Variants in PTPN12 observed in about 807,000 individuals in gnomAD.
The protein encoded by PTPN12 is tyrosine-protein phosphatase non-receptor type 12.
In PTPN12, 29 loss-of-function variants were observed where a neutral mutation model predicts 97.6. That is an observed-to-expected ratio of 0.30 (90% CI 0.22 to 0.41). The LOEUF (loss-of-function observed/expected upper bound fraction) is 0.41, where lower values mean the gene tolerates loss of function less well. PTPN12 is among the 10% of genes least tolerant of loss of function. The probability of loss-of-function intolerance (pLI) is 1.00; values close to 1 mark genes in which losing one functional copy is unlikely to be tolerated. For synonymous variants in PTPN12, 327 were observed against 300.4 expected (o/e 1.09, Z -0.91); for missense variants, 819 against 926.0 (o/e 0.88, Z 1.50).
chr7:77,569,883 C>A (rs1453161757), intron 1 of PTPN12, among the ~76,000 whole-genome samples: 1 of 152,170 alleles, frequency 6.6e-6, no homozygotes, highest in East Asian at 1.9e-4. Context: ...GAGACAGGGT[C>A]TTGCATTGTT....
chr7:77,605,945 CTTTTTT>C (rs10648385), intron 8 of PTPN12, among the ~76,000 whole-genome samples: 1 of 51,896 alleles, frequency 1.9e-5, no homozygotes, highest in African/African-American at 7.9e-5. Context: ...CAAGAGCCAT[CTTTTTT>C]TTTTTTTTTT....
chr7:77,575,655 GA>G (rs1163862429), intron 2 of PTPN12, among the ~76,000 whole-genome samples: 4 of 152,084 alleles, frequency 2.6e-5, no homozygotes, highest in African/African-American at 7.2e-5. Context: ...GCAATTCAAT[GA>G]TTTTTTTAAA....
rs772633580 is a variant in PTPN12, at chr7:77,639,311, A to G, written c.*31A>G. On this transcript the variant is annotated 3_prime_UTR_variant, in exon 18 of 18. Coordinates refer to ENST00000248594, the MANE Select transcript of PTPN12 (RefSeq NM_002835.4). The stretch of plus-strand genomic sequence containing the variant: ...GGAGCTAGAAGACACTTTAAGTTAT[A>G]CTGGAAAATTCAGGTGCCACTGAAA... 1.3e-6 allele frequency: 2 copies of G among 1,578,368 alleles called. No homozygotes were observed. Among genetic ancestry groups the G allele is most frequent in the Non-Finnish European group, 1.7e-6 (2 of 1,151,518 alleles).
At position 77,600,657 on chromosome 7, in the gene PTPN12, C is replaced by T; in HGVS notation, c.553-7C>T. ...TCATAATTGTTGACTTTCTGTTTTT[C>T]TTGAAGGAATCTCGTAGGCTGTATC... is the stretch of plus-strand genomic sequence containing the variant. On this transcript the variant is annotated splice_region_variant and splice_polypyrimidine_tract_variant and intron_variant, in intron 7 of 17. Coordinates refer to ENST00000248594, the MANE Select transcript of PTPN12 (RefSeq NM_002835.4). The T allele has an allele frequency of 6.4e-7, 1 of 1,572,232 alleles. No homozygotes were observed. Among genetic ancestry groups the T allele is most frequent in the Non-Finnish European group, 8.6e-7 (1 of 1,163,492 alleles).
At chr7:77,618,240 G>A (rs1788817897) in intron 11 of PTPN12, among the ~76,000 whole-genome samples, 1 of 152,078 alleles carries the variant, frequency 6.6e-6, no homozygotes, top group Admixed American at 6.6e-5. Flanking sequence ...GTGTTGAAAT[G>A]CTGCTGTACA....
At chr7:77,554,766 A>T (rs1807628239) in intron 1 of PTPN12, among the ~76,000 whole-genome samples, 1 of 152,138 alleles carries the variant, frequency 6.6e-6, no homozygotes, top group South Asian at 2.1e-4. Flanking sequence ...TGCAGCCTTG[A>T]CCTGCTGGGC....
chr7:77,616,107 T>C (rs181487242), intron 11 of PTPN12, among the ~76,000 whole-genome samples: 1 of 152,328 alleles, frequency 6.6e-6, no homozygotes, highest in Admixed American at 6.5e-5. Context: ...TTCTCACATG[T>C]AGTGTTTGCC....
Position 77,605,945 on chromosome 7 carries a change from C to CTTTTTT in PTPN12, c.696-1269_696-1264dup, listed in dbSNP as rs10648385. ...TCCTGTACTCTAAAACAAGAGCCAT[C>CTTTTTT]TTTTTTTTTTTTTTTTTTTTTTTTT... On this transcript the variant is annotated intron_variant, in intron 8 of 17. Transcript: ENST00000248594. 3.3e-4 allele frequency among the ~76,000 whole-genome samples: 17 copies of CTTTTTT among 51,920 alleles called. 1 individual carries two copies. Among genetic ancestry groups the CTTTTTT allele is most frequent in the African/African-American group, 5.6e-4 (7 of 12,612 alleles). 34.1% of individuals were successfully genotyped at this position (51,920 alleles called of 152,430 possible). A position where few individuals can be genotyped will look rare whatever the true frequency, so the allele number is the denominator to read the frequency against.
rs762715820 is a variant in PTPN12, at chr7:77,626,704, G to T, written c.1026-1G>T. 1 of 1,583,890 alleles carries T rather than the reference G, an allele frequency of 6.3e-7. No individual in the cohort carries two copies. Among genetic ancestry groups the T allele is most frequent in the Non-Finnish European group, 8.6e-7 (1 of 1,166,272 alleles). On this transcript the variant is annotated splice_acceptor_variant, in intron 12 of 17. Transcript: ENST00000248594. LOFTEE classifies it high-confidence loss of function. Reference sequence around the variant, plus strand: ...GCCCTTTTTAAATGTTTGTTTTTCAGTTGCCTTGTTGAAGGGGATGCTAAA... The same window carrying T: ...GCCCTTTTTAAATGTTTGTTTTTCATTTGCCTTGTTGAAGGGGATGCTAAA...
At chr7:77,605,630 T>C (rs1281695259) in intron 8 of PTPN12, among the ~76,000 whole-genome samples, 3 of 151,842 alleles carry the variant, frequency 2.0e-5, no homozygotes, top group East Asian at 1.9e-4. Flanking sequence ...TTTCACCACG[T>C]TGGCCAGGCT....
At chr7:77,556,567 C>T (rs1341847948) in intron 1 of PTPN12, among the ~76,000 whole-genome samples, 1 of 152,004 alleles carries the variant, frequency 6.6e-6, no homozygotes, top group Non-Finnish European at 1.5e-5. Context: ...ATGGAATATT[C>T]GGCCAGGCAC....
At chr7:77,628,030 A>G (rs1358377266) in intron 13 of PTPN12, among the ~76,000 whole-genome samples, 1 of 152,232 alleles carries the variant, frequency 6.6e-6, no homozygotes, top group Non-Finnish European at 1.5e-5. Flanking sequence ...AACAGTGGCA[A>G]AAATACTGTA....
At position 77,537,412 on chromosome 7, in the gene PTPN12, G is replaced by A. The variant is rs1272985794; in HGVS notation, c.-135G>A. On this transcript the variant is annotated 5_prime_UTR_variant, in exon 1 of 18. Transcript: ENST00000248594. ...CCGCCTAGGGCGGTGGGGAGGAGGA[G>A]GGAGCCGCGGGGCTTGGCGGGGTCG... is the stretch of plus-strand genomic sequence containing the variant. The A allele has an allele frequency of 1.5e-6, 2 of 1,306,950 alleles. No individual in the cohort carries two copies. The highest frequency in any genetic ancestry group is 3.2e-5 in the African/African-American group (2 of 62,778). The allele number at this position is 1,306,950 out of a possible 1,614,324, so 81.0% of individuals were successfully genotyped here.
chr7:77,604,209 C>CTTTTTTTTTTTTTTTTTTTT (rs71082768), intron 8 of PTPN12, among the ~76,000 whole-genome samples: 4 of 52,790 alleles, frequency 7.6e-5, no homozygotes, highest in Non-Finnish European at 9.3e-5. Context: ...TTTTTTCTTC[C>CTTTTTTTTTTTTTTTTTTTT]TTTTTTTTTT....
intron 9 of PTPN12, among the ~76,000 whole-genome samples, chr7:77,608,752 A>AT (rs1250383399): frequency 6.6e-6 from 1 of 152,114 alleles, no homozygotes; most frequent in East Asian, 1.9e-4. Context: ...GGGGTTAAAT[A>AT]TTTTTTTCCT....
chr7:77,558,922 G>A (rs1159491816), intron 1 of PTPN12, among the ~76,000 whole-genome samples: 1 of 152,164 alleles, frequency 6.6e-6, no homozygotes, highest in African/African-American at 2.4e-5. Flanking sequence ...GCTGAGGCAG[G>A]CAGATAACTT....
At chr7:77,538,016 G>A in intron 1 of PTPN12, 1 of 1,031,318 alleles carries the variant, frequency 9.7e-7, no homozygotes, top group Non-Finnish European at 1.2e-6. Flanking sequence ...TCCCCGCGCA[G>A]TTCGCTCCTC....
chr7:77,614,087 T>TTGTCTCACTATG (rs531859307), intron 11 of PTPN12, among the ~76,000 whole-genome samples: 2,792 of 151,840 alleles, frequency 0.018, 34 homozygotes, highest in Middle Eastern at 0.071. Flanking sequence ...TGTAGAGATG[T>TTGTCTCACTATG]TGCCAGGTTG....
intron 8 of PTPN12, among the ~76,000 whole-genome samples, chr7:77,605,409 G>GTTTTTTTTTTTT (rs751962814): frequency 3.1e-4 from 30 of 95,538 alleles, no homozygotes; most frequent in African/African-American, 1.1e-3. Flanking sequence ...TTTGTCATGA[G>GTTTTTTTTTTTT]TTTTTTTTTT....
Sources: gnomAD v4.1 joint callset for allele counts (sites outside exome capture counted in the v4.1 genomes callset) on GRCh38, gnomAD v4.1.1 for gene constraint, MANE v1.5 for transcripts, NCBI Gene and HGNC (gene_info 2026-07-23, HGNC 2026-07-21) for gene names.